The following CSNK2A1 variants were observed in gnomAD, a reference collection of about 807,000 sequenced individuals.
The protein encoded by CSNK2A1 is casein kinase 2 alpha 1.
Under a neutral mutation model 62.9 loss-of-function variants are expected in CSNK2A1, and 10 were observed. The observed-to-expected ratio is 0.16, with a 90% CI of 0.10 to 0.27. The LOEUF is 0.27. Ranked by LOEUF, CSNK2A1 falls within the 10% of genes least tolerant of loss-of-function variation. The probability of loss-of-function intolerance (pLI) is 1.00; values close to 1 mark genes in which losing one functional copy is unlikely to be tolerated. For missense variants in CSNK2A1, 160 were observed against 492.0 expected (o/e 0.33, Z 6.38); for synonymous variants, 124 against 167.8 (o/e 0.74, Z 2.02).
At chr20:491,951 C>G (rs1190000266) in intron 9 of CSNK2A1, among the ~76,000 whole-genome samples, 1 of 152,182 alleles carries the variant, frequency 6.6e-6, no homozygotes, top group African/African-American at 2.4e-5. Context: ...AAAAACAAAA[C>G]AGCTTACAAT....
chr20:520,349 A>G (rs938437855), intron 2 of CSNK2A1, among the ~76,000 whole-genome samples: 7 of 152,170 alleles, frequency 4.6e-5, no homozygotes, highest in African/African-American at 1.7e-4. Flanking sequence ...TAGTTGTCAA[A>G]ACAGTGTATT....
chr20:516,440 C>A (rs1302854969), intron 2 of CSNK2A1, among the ~76,000 whole-genome samples: 2 of 152,170 alleles, frequency 1.3e-5, no homozygotes, highest in African/African-American at 4.8e-5. Flanking sequence ...CTGCATGGGT[C>A]TGCATGACCT....
intron 2 of CSNK2A1, among the ~76,000 whole-genome samples, chr20:516,833 T>C (rs2018837711): frequency 6.6e-6 from 1 of 152,144 alleles, no homozygotes; most frequent in South Asian, 2.1e-4. Flanking sequence ...AACCCTAATG[T>C]TTATTAGTCT....
chr20:500,044 T>C lies in CSNK2A1; in HGVS notation c.214-110A>G. On this transcript the variant is annotated intron_variant, in intron 4 of 13. Transcript: ENST00000217244. The stretch of plus-strand genomic sequence containing the variant: ...TAAATGGCTTACTTATGAGCACACC[T>C]TGAAGGAAGAAAATGTGTCACATTC... 3.8e-6 allele frequency: 3 copies of C among 780,174 alleles called. No homozygotes were observed. In the South Asian group the frequency reaches 5.1e-5, roughly 13 times the overall value. The allele number at this position is 780,174 out of a possible 1,614,324, so 48.3% of individuals were successfully genotyped here. A position where few individuals can be genotyped will look rare whatever the true frequency, so the allele number is the denominator to read the frequency against.
At chr20:490,694 G>GT in intron 9 of CSNK2A1, among the ~76,000 whole-genome samples, 1 of 144,654 alleles carries the variant, frequency 6.9e-6, no homozygotes, top group Non-Finnish European at 1.5e-5. Flanking sequence ...GTGAGCCACT[G>GT]TGCCTGGCTC....
chr20:535,859 A>G (rs2019308426), intron 1 of CSNK2A1, among the ~76,000 whole-genome samples: 1 of 152,192 alleles, frequency 6.6e-6, no homozygotes, highest in South Asian at 2.1e-4. Flanking sequence ...TACCTGAGAG[A>G]GCAAGACATA....
rs1234364964 is a variant in CSNK2A1, at chr20:480,082, C to A, written c.*3879G>T. On this transcript the variant is annotated 3_prime_UTR_variant, in exon 14 of 14. Coordinates refer to ENST00000217244, the MANE Select transcript of CSNK2A1 (RefSeq NM_177559.3). ...AAATTGGCCAGGATCATTCCTTAGT[C>A]TTCAGATACCTATTTATCAGGGTCT... 10 of 152,168 alleles carry A rather than the reference C, an allele frequency of 6.6e-5. No homozygotes were observed. The highest frequency in any genetic ancestry group is 6.6e-4 in the Admixed American group (10 of 15,264). The allele number at this position is 152,168 out of a possible 1,614,324, so 9.4% of individuals were successfully genotyped here.
In CSNK2A1 at chr20:491,668, C is replaced by T. The variant is rs928112446; in HGVS notation, c.621+586G>A. Among the ~76,000 whole-genome samples, 8 of 152,032 alleles carry T rather than the reference C, an allele frequency of 5.3e-5. 1 individual carries two copies. Among genetic ancestry groups the T allele is most frequent in the African/African-American group, 1.7e-4 (7 of 41,476 alleles). On this transcript the variant is annotated intron_variant, in intron 9 of 13. Coordinates refer to ENST00000217244, the MANE Select transcript of CSNK2A1 (RefSeq NM_177559.3). ...CCTGGGCAACAGAGCAAAACCCTGC[C>T]TCAGAAAACAAACAAAAGGCCGGGC...
intron 1 of CSNK2A1, among the ~76,000 whole-genome samples, chr20:541,594 A>AT (rs1303551735): frequency 6.6e-6 from 1 of 152,200 alleles, no homozygotes; most frequent in Non-Finnish European, 1.5e-5. Flanking sequence ...GTGAGTAGGA[A>AT]AAGGACGCGC....
chr20:489,678 A>G (rs988679246), intron 10 of CSNK2A1, 102 bp downstream of exon 10: 8 of 878,660 alleles, frequency 9.1e-6, no homozygotes, highest in East Asian at 5.6e-5. Context: ...CTAAGGATCA[A>G]TATCGGGGTG....
intron 2 of CSNK2A1, among the ~76,000 whole-genome samples, chr20:522,200 A>G (rs1340244326): frequency 6.6e-6 from 1 of 152,240 alleles, no homozygotes; most frequent in Non-Finnish European, 1.5e-5. Context: ...GTAAGCATGG[A>G]AAGAGAGCCT....
intron 2 of CSNK2A1, among the ~76,000 whole-genome samples, chr20:520,975 TG>T (rs956116896): frequency 6.6e-6 from 1 of 151,812 alleles, no homozygotes; most frequent in Admixed American, 6.6e-5. Context: ...ACTCTACCTC[TG>T]GGGGGGAAAA....
rs2017957590 is a variant in CSNK2A1 at position 481,608 on chromosome 20, A to G, written c.*2353T>C. ...TTAAAAGGCTCTTGGGTGGCACCTC[A>G]GAGTCCTCTGCATTCACCTTCGGTT... On this transcript the variant is annotated 3_prime_UTR_variant, in exon 14 of 14. Transcript: ENST00000217244. 5 of 151,216 alleles carry G rather than the reference A, an allele frequency of 3.3e-5. No individual in the cohort carries two copies. The allele number at this position is 151,216 out of a possible 1,614,324, so 9.4% of individuals were successfully genotyped here.
At chr20:502,347 C>G (rs1228738401) in intron 4 of CSNK2A1, 1 of 152,066 alleles carries the variant, frequency 6.6e-6, no homozygotes, top group East Asian at 1.9e-4. Context: ...AGAGACTAAC[C>G]CAACAACTTA....
chr20:504,757 G>A, intron 4 of CSNK2A1: 1 of 211,752 alleles, frequency 4.7e-6, no homozygotes, highest in Non-Finnish European at 9.2e-6. Flanking sequence ...CGAGTCCTGT[G>A]ACTCCTCATC....
chr20:497,545 C>G (rs957918824), intron 7 of CSNK2A1, among the ~76,000 whole-genome samples, 176 bp downstream of exon 7: 1 of 152,146 alleles, frequency 6.6e-6, no homozygotes, highest in Non-Finnish European at 1.5e-5. Flanking sequence ...CTGCCTCAGC[C>G]TTCCAAAGTG....
At chr20:513,707 G>C (rs991157718) in intron 2 of CSNK2A1, among the ~76,000 whole-genome samples, 2 of 152,146 alleles carry the variant, frequency 1.3e-5, no homozygotes, top group Non-Finnish European at 2.9e-5. Flanking sequence ...TGTGAGGAGT[G>C]GGAAAAGACT....
At chr20:490,335 C>CTTTTTTTTTTTTTTTTTTT (rs907727482) in intron 9 of CSNK2A1, among the ~76,000 whole-genome samples, 19 of 84,776 alleles carry the variant, frequency 2.2e-4, no homozygotes, top group African/African-American at 4.4e-4. Context: ...CTAGTTTTTT[C>CTTTTTTTTTTTTTTTTTTT]TTTTTTTTTT....
At chr20:524,654 T>A (rs55897393) in intron 2 of CSNK2A1, among the ~76,000 whole-genome samples, 7 of 133,464 alleles carry the variant, frequency 5.2e-5, no homozygotes, top group Non-Finnish European at 9.2e-5. Flanking sequence ...CGCTTGAACC[T>A]AGGAGGTGGA....
Sources: gnomAD v4.1 joint callset for allele counts (sites outside exome capture counted in the v4.1 genomes callset) on GRCh38, gnomAD v4.1.1 for gene constraint, MANE v1.5 for transcripts, NCBI Gene and HGNC (gene_info 2026-07-23, HGNC 2026-07-21) for gene names.